The following NRXN1 variants were observed in gnomAD, a reference collection of about 807,000 sequenced individuals.
NRXN1 encodes neurexin-1.
NRXN1 carries 39 observed loss-of-function variants against 150.9 expected under a neutral mutation model. The ratio of observed to expected loss-of-function variants is 0.26; its 90% CI spans 0.20 to 0.34. The LOEUF (loss-of-function observed/expected upper bound fraction) is 0.34, where lower values mean the gene tolerates loss of function less well. Among genes scored for constraint, NRXN1 ranks in the 10% least tolerant of loss-of-function variants. NRXN1 has a pLI of 1.00. For missense variants in NRXN1, 1,815 were observed against 1,949.9 expected, an observed-to-expected ratio of 0.93 and a Z score of 1.30; for synonymous variants, 924 against 757.0, an observed-to-expected ratio of 1.22 and a Z score of -3.62.
intron 5 of NRXN1, among the ~76,000 whole-genome samples, chr2:50,840,577 G>T (rs1350999298): frequency 6.6e-6 from 1 of 152,074 alleles, no homozygotes; most frequent in Non-Finnish European, 1.5e-5. Flanking sequence ...TACTTACTAT[G>T]CCCCTCAACA....
chr2:50,082,060 A>AT (rs1182749209), intron 19 of NRXN1, among the ~76,000 whole-genome samples: 3 of 152,094 alleles, frequency 2.0e-5, no homozygotes, highest in Non-Finnish European at 4.4e-5. Flanking sequence ...TTAATATGTC[A>AT]TTTTTTCCGG....
At chr2:50,507,913 T>A (rs2092306431) in intron 12 of NRXN1, among the ~76,000 whole-genome samples, 2 of 151,610 alleles carry the variant, frequency 1.3e-5, no homozygotes. Context: ...TTTAACCAAA[T>A]TCTGCCAGCA....
At chr2:50,223,676 C>T (rs2064096828) in intron 18 of NRXN1, among the ~76,000 whole-genome samples, 1 of 151,858 alleles carries the variant, frequency 6.6e-6, no homozygotes, top group Admixed American at 6.6e-5. Context: ...CCTTTGAACA[C>T]CTCTGTCGGG....
At chr2:50,930,206 T>C (rs1314747887) in intron 2 of NRXN1, among the ~76,000 whole-genome samples, 2 of 152,056 alleles carry the variant, frequency 1.3e-5, no homozygotes, top group African/African-American at 2.4e-5. Context: ...TTTTTCTCCT[T>C]CTTCACTGCT....
At chr2:50,786,391 C>T (rs954177780) in intron 5 of NRXN1, among the ~76,000 whole-genome samples, 4 of 152,084 alleles carry the variant, frequency 2.6e-5, no homozygotes, top group Non-Finnish European at 5.9e-5. Flanking sequence ...ACTCTCAGTA[C>T]CTACCAGTTG....
rs565241089 is a variant in NRXN1, at chr2:50,491,577, T to C, written c.3070+4328A>G. 7.2e-5 allele frequency among the ~76,000 whole-genome samples: 11 copies of C among 152,148 alleles called. No individual in the cohort carries two copies. The South Asian group carries it at 2.3e-3, about 32-fold the overall frequency. ...GAAAAGGGGCAAGATCAGAAGACAA[T>C]GAAGACAATGCCAGAGCTCAAAATC... is the stretch of plus-strand genomic sequence containing the variant. On this transcript the variant is annotated intron_variant, in intron 15 of 22. Coordinates refer to ENST00000401669, the MANE Select transcript of NRXN1 (RefSeq NM_001330078.2).
chr2:50,711,810 G>A (rs1295353288), intron 5 of NRXN1, among the ~76,000 whole-genome samples: 2 of 152,094 alleles, frequency 1.3e-5, no homozygotes, highest in Non-Finnish European at 2.9e-5. Flanking sequence ...TTTATAACGG[G>A]CCTCTGGAAG....
At chr2:50,350,659 GAAATAGAATAAGC>G (rs2078343866) in intron 17 of NRXN1, among the ~76,000 whole-genome samples, 1 of 152,176 alleles carries the variant, frequency 6.6e-6, no homozygotes, top group Non-Finnish European at 1.5e-5. Flanking sequence ...AAAAGCCATA[GAAATAGAATAAGC>G]GTAGAAGATT....
At chr2:50,214,125 A>G (rs181639604) in intron 18 of NRXN1, among the ~76,000 whole-genome samples, 36 of 152,066 alleles carry the variant, frequency 2.4e-4, no homozygotes, top group Admixed American at 6.6e-4. Flanking sequence ...GGATACTCAT[A>G]TTAGTCATAA....
intron 18 of NRXN1, among the ~76,000 whole-genome samples, chr2:50,197,445 T>A (rs2061848078): frequency 6.6e-6 from 1 of 152,198 alleles, no homozygotes. Flanking sequence ...GAAATGTTGA[T>A]GAATCCGAAT....
intron 21 of NRXN1, among the ~76,000 whole-genome samples, chr2:50,033,967 T>C (rs1209220909): frequency 2.3e-5 from 3 of 129,828 alleles, no homozygotes; most frequent in Non-Finnish European, 4.9e-5. Flanking sequence ...TATTAAAAAG[T>C]GGAAAAAAAA....
At chr2:50,968,819 G>C (rs1003503815) in intron 2 of NRXN1, among the ~76,000 whole-genome samples, 1 of 151,848 alleles carries the variant, frequency 6.6e-6, no homozygotes, top group African/African-American at 2.4e-5. Context: ...TCTGTTTAAA[G>C]ACACCAGTAA....
In NRXN1 at chr2:50,628,210, A is replaced by C. The variant is rs1197999616; in HGVS notation, c.833-4595T>G. Among the ~76,000 whole-genome samples the C allele has an allele frequency of 4.6e-5, 7 of 151,964 alleles. No individual in the cohort carries two copies. The South Asian group carries it at 1.5e-3, about 32-fold the overall frequency. On this transcript the variant is annotated intron_variant, in intron 5 of 22. Coordinates refer to ENST00000401669, the MANE Select transcript of NRXN1 (RefSeq NM_001330078.2). ...ATACCCAAGGGGTTAAATAATAAAC[A>C]GTTTGCAATTCACTATGTAATAAAC...
chr2:50,695,988 G>A (rs750439902), intron 5 of NRXN1, among the ~76,000 whole-genome samples: 9 of 151,816 alleles, frequency 5.9e-5, no homozygotes, highest in South Asian at 2.1e-4. Flanking sequence ...GATTACAGGC[G>A]CCCACCACCA....
At chr2:50,983,947 AT>A (rs1037932623) in intron 2 of NRXN1, among the ~76,000 whole-genome samples, 1 of 151,478 alleles carries the variant, frequency 6.6e-6, no homozygotes. Context: ...CATTCAAAGC[AT>A]TTTTTTATTT....
chr2:50,449,526 T>C (rs553099487), intron 17 of NRXN1, among the ~76,000 whole-genome samples: 5 of 152,078 alleles, frequency 3.3e-5, no homozygotes, highest in Non-Finnish European at 5.9e-5. Flanking sequence ...ATATTCAGAG[T>C]CAGTAGGTGT....
intron 5 of NRXN1, among the ~76,000 whole-genome samples, chr2:50,860,355 T>G (rs1574736785): frequency 6.6e-6 from 1 of 152,216 alleles, no homozygotes; most frequent in East Asian, 1.9e-4. Context: ...CCTCGTATTT[T>G]TATTCTGTTT....
At chr2:50,681,574 A>C (rs1275902350) in intron 5 of NRXN1, among the ~76,000 whole-genome samples, 1 of 152,196 alleles carries the variant, frequency 6.6e-6, no homozygotes, top group Non-Finnish European at 1.5e-5. Context: ...AATACTAATG[A>C]GAATGCATGT....
At position 50,881,055 on chromosome 2, in the gene NRXN1, G is replaced by T. The variant is rs138290750; in HGVS notation, c.832+40814C>A. On this transcript the variant is annotated intron_variant, in intron 5 of 22. Coordinates refer to ENST00000401669, the MANE Select transcript of NRXN1 (RefSeq NM_001330078.2). The stretch of plus-strand genomic sequence containing the variant: ...AGTAGCATCACATTATCAACCATAT[G>T]AATTTATTAAAGCAACTTTAAAACT... Among the ~76,000 whole-genome samples, 20 of 152,008 alleles carry T rather than the reference G, an allele frequency of 1.3e-4. No individual in the cohort carries two copies. The East Asian group carries it at 3.9e-3, about 30-fold the overall frequency.
Sources: gnomAD v4.1 joint callset for allele counts (sites outside exome capture counted in the v4.1 genomes callset) on GRCh38, gnomAD v4.1.1 for gene constraint, MANE v1.5 for transcripts, NCBI Gene and HGNC (gene_info 2026-07-23, HGNC 2026-07-21) for gene names.